ST3GAL2: variants seen among roughly 807,000 people sequenced by gnomAD.
ST3GAL2 encodes CMP-N-acetylneuraminate-beta-galactosamide-alpha-2,3-sialyltransferase 2.
A neutral mutation model predicts 37.5 loss-of-function variants in ST3GAL2; 16 were observed. That is an observed-to-expected ratio of 0.43 (90% CI 0.29 to 0.65). The LOEUF (loss-of-function observed/expected upper bound fraction) is 0.65. ST3GAL2 is among the 30% of genes least tolerant of loss of function. The pLI, the probability that ST3GAL2 is intolerant of heterozygous loss-of-function variation, is 0.17. For missense variants in ST3GAL2, 383 were observed against 487.8 expected (o/e 0.79, Z 2.02); for synonymous variants, 238 against 202.9 (o/e 1.17, Z -1.47).
At chr16:70,387,902 G>A (rs146956580) in intron 4 of ST3GAL2, among the ~76,000 whole-genome samples, 2 of 152,114 alleles carry the variant, frequency 1.3e-5, no homozygotes, top group African/African-American at 2.4e-5. Flanking sequence ...ATCATCTGAG[G>A]TCAGGAGTTC....
Position 70,381,874 on chromosome 16 carries a change from C to G in ST3GAL2, c.880-12G>C. ...CCGTACACGTTCACCTGCGGGGAAG[C>G]GCAGCGGAGCGTCACCCCAGGCGGG... On this transcript the variant is annotated splice_polypyrimidine_tract_variant and intron_variant, in intron 6 of 6. Coordinates refer to ENST00000342907, the MANE Select transcript of ST3GAL2 (RefSeq NM_006927.4). 5 of 1,612,090 alleles carry G rather than the reference C, an allele frequency of 3.1e-6. No homozygotes were observed. The highest frequency in any genetic ancestry group is 4.2e-6 in the Non-Finnish European group (5 of 1,178,844).
At chr16:70,407,058 T>A (rs2047597454) in intron 1 of ST3GAL2, among the ~76,000 whole-genome samples, 1 of 151,854 alleles carries the variant, frequency 6.6e-6, no homozygotes, top group Non-Finnish European at 1.5e-5. Context: ...GGTTGGAGAT[T>A]TACAGAGAGA....
chr16:70,399,711 C>G (rs894782712), intron 1 of ST3GAL2, 178 bp from the exon 2 acceptor site: 3 of 347,572 alleles, frequency 8.6e-6, no homozygotes, highest in Non-Finnish European at 1.5e-5. Flanking sequence ...GTGTGGGACT[C>G]CAGGGCCTGG....
rs546546769 is a variant in ST3GAL2, at chr16:70,379,738, C to G, written c.*1951G>C. The G allele has an allele frequency of 6.6e-6, 1 of 152,272 alleles. No individual in the cohort carries two copies. The highest frequency in any genetic ancestry group is 1.9e-4 in the East Asian group (1 of 5,176). 9.4% of individuals were successfully genotyped at this position (152,272 alleles called of 1,614,324 possible). A position where few individuals can be genotyped will look rare whatever the true frequency, so the allele number is the denominator to read the frequency against. ...CTCGGTTCAAGGGATTCTCCTGCCT[C>G]AGCCTTCCAAGTAGCTGGGATTACA... On this transcript the variant is annotated 3_prime_UTR_variant, in exon 7 of 7. Coordinates refer to ENST00000342907, the MANE Select transcript of ST3GAL2 (RefSeq NM_006927.4).
intron 1 of ST3GAL2, among the ~76,000 whole-genome samples, chr16:70,434,450 A>G (rs1317833293): frequency 6.6e-6 from 1 of 152,166 alleles, no homozygotes; most frequent in Non-Finnish European, 1.5e-5. Flanking sequence ...ACAAAAAAAA[A>G]AAAATTCAGA....
intron 1 of ST3GAL2, among the ~76,000 whole-genome samples, chr16:70,426,643 C>G (rs2047753911): frequency 6.6e-6 from 1 of 151,976 alleles, no homozygotes. Context: ...TCCTGAGTAG[C>G]TGGGATTACA....
intron 1 of ST3GAL2, among the ~76,000 whole-genome samples, chr16:70,430,520 T>A (rs1450187371): frequency 6.6e-6 from 1 of 152,224 alleles, no homozygotes; most frequent in Non-Finnish European, 1.5e-5. Flanking sequence ...GTACCAGTGT[T>A]GGCCCCCTTC....
intron 3 of ST3GAL2, 137 bp from the exon 4 acceptor site, chr16:70,388,683 C>A (rs2047460061): frequency 2.1e-6 from 2 of 947,114 alleles, no homozygotes; most frequent in South Asian, 3.5e-5. Context: ...TGCTAGAAAT[C>A]TGCCCTATAA....
At position 70,417,463 on chromosome 16, in the gene ST3GAL2, A is replaced by C. The variant is rs187301872; in HGVS notation, c.-1003-17930T>G. On this transcript the variant is annotated intron_variant, in intron 1 of 6. Transcript: ENST00000342907. ...GGACGGTGCGCGTCCATCCTATGGG[A>C]CACGGCCGTAACCCCTTCCCCAGCC... Among the ~76,000 whole-genome samples the C allele has an allele frequency of 4.6e-5, 7 of 152,090 alleles. No individual in the cohort carries two copies. In the East Asian group the frequency reaches 1.4e-3, roughly 29 times the overall value.
At position 70,398,616 on chromosome 16, in the gene ST3GAL2, G is replaced by A; in HGVS notation, c.-86C>T. On this transcript the variant is annotated 5_prime_UTR_variant, in exon 2 of 7. The change creates a premature stop within an existing upstream ORF in the 5' untranslated region. Coordinates refer to ENST00000342907, the MANE Select transcript of ST3GAL2 (RefSeq NM_006927.4). ...AGCCACGGCGTAGCCTGCCTATTCT[G>A]GCACCACATGCAAAGGGCATAGGGG... 1.5e-6 allele frequency: 2 copies of A among 1,333,778 alleles called. No individual in the cohort carries two copies. The highest frequency in any genetic ancestry group is 1.4e-5 in the South Asian group (1 of 71,484). The allele number at this position is 1,333,778 out of a possible 1,614,324, so 82.6% of individuals were successfully genotyped here.
At chr16:70,425,988 C>T (rs982245637) in intron 1 of ST3GAL2, among the ~76,000 whole-genome samples, 1 of 152,224 alleles carries the variant, frequency 6.6e-6, no homozygotes, top group South Asian at 2.1e-4. Context: ...GTAAACACTG[C>T]CCACCATCAG....
intron 3 of ST3GAL2, among the ~76,000 whole-genome samples, chr16:70,394,306 T>C (rs1156270872): frequency 6.6e-6 from 1 of 152,234 alleles, no homozygotes; most frequent in African/African-American, 2.4e-5. Flanking sequence ...TGAAGCAGGA[T>C]GCTAGCTGGG....
chr16:70,385,698 CTTTTTTTTTTTT>C (rs1034830291), intron 4 of ST3GAL2, among the ~76,000 whole-genome samples: 2 of 92,212 alleles, frequency 2.2e-5, no homozygotes, highest in African/African-American at 5.0e-5. Flanking sequence ...TTTTTTGGTT[CTTTTTTTTTTTT>C]TTTTTTTTTT....
intron 1 of ST3GAL2, among the ~76,000 whole-genome samples, chr16:70,415,150 A>C (rs1259832479): frequency 3.9e-5 from 6 of 152,202 alleles, no homozygotes; most frequent in Non-Finnish European, 7.3e-5. Flanking sequence ...CTGGGATTAC[A>C]GGCATGAGCC....
intron 1 of ST3GAL2, among the ~76,000 whole-genome samples, chr16:70,418,611 A>G (rs1267424213): frequency 2.0e-5 from 3 of 151,878 alleles, no homozygotes; most frequent in Non-Finnish European, 4.4e-5. Context: ...TCCCTGCCAA[A>G]CTCATCCTCA....
chr16:70,420,480 G>A (rs1290577141), intron 1 of ST3GAL2, among the ~76,000 whole-genome samples: 2 of 152,180 alleles, frequency 1.3e-5, no homozygotes, highest in Non-Finnish European at 2.9e-5. Context: ...GTAGTCTGGA[G>A]AGGATTCCTG....
chr16:70,384,135 C>G (rs1419333007), intron 4 of ST3GAL2, among the ~76,000 whole-genome samples: 7 of 152,076 alleles, frequency 4.6e-5, no homozygotes, highest in Non-Finnish European at 7.4e-5. Context: ...AATGAACATC[C>G]TAAGTCAGGA....
intron 1 of ST3GAL2, among the ~76,000 whole-genome samples, chr16:70,409,439 G>T (rs1268246736): frequency 2.0e-5 from 3 of 152,086 alleles, no homozygotes; most frequent in Non-Finnish European, 4.4e-5. Context: ...CACTTCCCAG[G>T]TTCAAGCAAT....
At chr16:70,437,880 G>A (rs1597580831) in intron 1 of ST3GAL2, among the ~76,000 whole-genome samples, 1 of 152,264 alleles carries the variant, frequency 6.6e-6, no homozygotes, top group South Asian at 2.1e-4. Flanking sequence ...CCAAAGACGA[G>A]GCGGGAGTGT....
Sources: allele counts gnomAD v4.1 joint callset (sites outside exome capture counted in the v4.1 genomes callset), GRCh38; gene constraint gnomAD v4.1.1; transcripts MANE v1.5; gene names NCBI Gene and HGNC (gene_info 2026-07-23, HGNC 2026-07-21).